The following TMEFF2 variants were observed in gnomAD, a reference collection of about 807,000 sequenced individuals.
TMEFF2 encodes the protein tomoregulin-2.
TMEFF2 carries 28 observed loss-of-function variants against 53.8 expected under a neutral mutation model. The observed-to-expected ratio is 0.52, with a 90% CI of 0.39 to 0.71. TMEFF2 has a LOEUF of 0.71. Ranked by LOEUF, TMEFF2 falls within the 30% of genes least tolerant of loss-of-function variation. The pLI is 0.00. For synonymous variants in TMEFF2, 162 were observed against 166.3 expected (o/e 0.97, Z 0.20); for missense variants, 353 against 455.2 (o/e 0.78, Z 2.04).
intron 4 of TMEFF2, among the ~76,000 whole-genome samples, chr2:192,138,452 G>T (rs538330374): frequency 6.6e-6 from 1 of 152,282 alleles, no homozygotes; most frequent in South Asian, 2.1e-4. Context: ...CTAACACACA[G>T]ATTGTTGAGA....
At chr2:192,179,919 C>T (rs887754516) in intron 3 of TMEFF2, among the ~76,000 whole-genome samples, 2 of 151,520 alleles carry the variant, frequency 1.3e-5, no homozygotes, top group South Asian at 4.1e-4. Flanking sequence ...TTTACGAAAA[C>T]ATTATTGCCC....
At chr2:191,956,143 TTGC>T (rs1412062174) in intron 8 of TMEFF2, 109 bp downstream of exon 8, 13 of 1,183,112 alleles carry the variant, frequency 1.1e-5, no homozygotes, top group Non-Finnish European at 1.3e-5. Context: ...AAAAGTTTTG[TTGC>T]TGATTACCCA....
intron 5 of TMEFF2, among the ~76,000 whole-genome samples, chr2:192,037,337 A>AAAG (rs1559096581): frequency 5.7e-5 from 5 of 88,200 alleles, no homozygotes; most frequent in East Asian, 4.9e-4. Context: ...AAGAAAGAAA[A>AAAG]ACAGAAAACA....
At chr2:192,106,550 T>C (rs1336678177) in intron 4 of TMEFF2, among the ~76,000 whole-genome samples, 1 of 151,804 alleles carries the variant, frequency 6.6e-6, no homozygotes, top group African/African-American at 2.4e-5. Context: ...GATTTACCCA[T>C]GTGTTAATTA....
chr2:192,009,389 C>G (rs1686573349), intron 5 of TMEFF2, among the ~76,000 whole-genome samples: 2 of 152,124 alleles, frequency 1.3e-5, no homozygotes, highest in South Asian at 4.1e-4. Flanking sequence ...GCACTTGCAA[C>G]AAATCATCAT....
chr2:192,066,158 A>G (rs1688165509), intron 4 of TMEFF2, among the ~76,000 whole-genome samples: 1 of 151,792 alleles, frequency 6.6e-6, no homozygotes, highest in Admixed American at 6.6e-5. Flanking sequence ...TAATAGTTAT[A>G]CTGTTACATC....
intron 7 of TMEFF2, among the ~76,000 whole-genome samples, chr2:191,974,349 G>C (rs1265442542): frequency 6.6e-6 from 1 of 151,984 alleles, no homozygotes; most frequent in Non-Finnish European, 1.5e-5. Context: ...CATAACTATA[G>C]GTGTTTCGCA....
chr2:192,019,313 A>C (rs1360877465), intron 5 of TMEFF2, among the ~76,000 whole-genome samples: 1 of 152,062 alleles, frequency 6.6e-6, no homozygotes, highest in Non-Finnish European at 1.5e-5. Flanking sequence ...ATTGAGAAGT[A>C]TTATAAATAT....
chr2:191,986,289 T>A (rs1489938696), intron 7 of TMEFF2, among the ~76,000 whole-genome samples: 5 of 152,114 alleles, frequency 3.3e-5, no homozygotes, highest in Middle Eastern at 3.2e-3. Flanking sequence ...TTAATCAAAA[T>A]TTGTAAGAAG....
intron 1 of TMEFF2, among the ~76,000 whole-genome samples, chr2:192,193,240 A>G (rs1691505400): frequency 6.6e-6 from 1 of 152,140 alleles, no homozygotes; most frequent in Non-Finnish European, 1.5e-5. Flanking sequence ...TTACATACAC[A>G]CTTGCTAAAA....
chr2:191,998,982 TAAG>T, intron 6 of TMEFF2, 75 bp downstream of exon 6: 1 of 1,424,836 alleles, frequency 7.0e-7, no homozygotes, highest in Non-Finnish European at 9.6e-7. Flanking sequence ...AGCTGCCTAA[TAAG>T]GAGTTTTCTT....
At chr2:192,149,119 C>G (rs1029216719) in intron 4 of TMEFF2, among the ~76,000 whole-genome samples, 1 of 151,838 alleles carries the variant, frequency 6.6e-6, no homozygotes, top group African/African-American at 2.4e-5. Context: ...ATTTTGCATT[C>G]AACTGCTGTT....
chr2:192,177,594 T>C (rs1248587176), intron 4 of TMEFF2: 1 of 151,044 alleles, frequency 6.6e-6, no homozygotes, highest in Non-Finnish European at 1.5e-5. Context: ...TTAAATGTGT[T>C]ATATGCTTTT....
At chr2:192,139,499 T>G (rs1409679245) in intron 4 of TMEFF2, among the ~76,000 whole-genome samples, 1 of 152,154 alleles carries the variant, frequency 6.6e-6, no homozygotes, top group African/African-American at 2.4e-5. Context: ...ATTTGAAAGG[T>G]GAAACAAATC....
At chr2:191,956,195 C>CA in intron 8 of TMEFF2, 60 bp downstream of exon 8, 1 of 1,504,710 alleles carries the variant, frequency 6.6e-7, no homozygotes, top group South Asian at 1.3e-5. Flanking sequence ...TAAACATCTA[C>CA]AATTTAGTTT....
intron 4 of TMEFF2, among the ~76,000 whole-genome samples, chr2:192,137,982 C>G (rs1690051641): frequency 6.6e-6 from 1 of 151,856 alleles, no homozygotes; most frequent in African/African-American, 2.4e-5. Flanking sequence ...CCACACCCAG[C>G]TAATTTTTGT....
At chr2:191,953,654 G>A (rs1691958527) in intron 9 of TMEFF2, 25 bp downstream of exon 9, 7 of 1,609,610 alleles carry the variant, frequency 4.3e-6, no homozygotes, top group Non-Finnish European at 5.9e-6. Context: ...CTTTATTTGG[G>A]TAGCCACCAA....
intron 4 of TMEFF2, among the ~76,000 whole-genome samples, chr2:192,175,084 A>G (rs1012003532): frequency 2.0e-5 from 3 of 151,752 alleles, no homozygotes; most frequent in Non-Finnish European, 4.4e-5. Context: ...AAGAGAATTT[A>G]CATGTAATCT....
At chr2:192,007,376 G>A (rs1686523342) in intron 5 of TMEFF2, among the ~76,000 whole-genome samples, 1 of 152,176 alleles carries the variant, frequency 6.6e-6, no homozygotes, top group African/African-American at 2.4e-5. Context: ...CTGGCGCCTT[G>A]CTCCTACTTC....
Sources: allele counts gnomAD v4.1 joint callset (sites outside exome capture counted in the v4.1 genomes callset), GRCh38; gene constraint gnomAD v4.1.1; transcripts MANE v1.5; gene names NCBI Gene and HGNC (gene_info 2026-07-23, HGNC 2026-07-21).